YES1: variants seen among roughly 807,000 people sequenced by gnomAD.
YES1 encodes the protein tyrosine-protein kinase Yes.
Under a neutral mutation model 70.4 loss-of-function variants are expected in YES1, and 39 were observed. The observed-to-expected ratio is 0.55, with a 90% CI of 0.43 to 0.72. YES1 has a LOEUF of 0.72. Among genes scored for constraint, YES1 ranks in the 30% least tolerant of loss-of-function variants. The probability of loss-of-function intolerance (pLI) is 0.00; values close to 1 mark genes in which losing one functional copy is unlikely to be tolerated. For synonymous variants in YES1, 198 were observed against 218.6 expected (o/e 0.91, Z 0.83); for missense variants, 495 against 644.8 (o/e 0.77, Z 2.52).
At chr18:775,865 C>G (rs563005617) in intron 1 of YES1, among the ~76,000 whole-genome samples, 2 of 151,990 alleles carry the variant, frequency 1.3e-5, no homozygotes, top group Admixed American at 6.6e-5. Flanking sequence ...TTTCACTTAA[C>G]GATGCTTCTG....
At chr18:743,147 C>A in intron 7 of YES1, 50 bp from the exon 8 acceptor site, 1 of 1,544,728 alleles carries the variant, frequency 6.5e-7, no homozygotes, top group Non-Finnish European at 8.7e-7. Flanking sequence ...GATTTTAGAC[C>A]AAACTTCAGT....
At chr18:793,767 G>A (rs1015080238) in intron 1 of YES1, among the ~76,000 whole-genome samples, 5 of 152,118 alleles carry the variant, frequency 3.3e-5, no homozygotes, top group African/African-American at 1.2e-4. Flanking sequence ...TAGTTATAAA[G>A]TAGTACTCAA....
chr18:802,099 T>C (rs1357462031), intron 1 of YES1, among the ~76,000 whole-genome samples: 1 of 152,062 alleles, frequency 6.6e-6, no homozygotes, highest in Non-Finnish European at 1.5e-5. Flanking sequence ...CTACTTCCAT[T>C]AAAAAGAAAA....
chr18:767,638 T>C (rs75105448), intron 1 of YES1, among the ~76,000 whole-genome samples: 14,302 of 152,280 alleles, frequency 0.094, 866 homozygotes, highest in Admixed American at 0.21. Context: ...TCAATGACGA[T>C]AGTCGTCATT....
intron 11 of YES1, among the ~76,000 whole-genome samples, chr18:732,435 T>TA (rs11460599): frequency 0.24 from 21,873 of 89,286 alleles, 2,494 homozygotes; most frequent in Non-Finnish European, 0.26. Context: ...AGACTGTGTT[T>TA]AAAAAAAAAA....
At chr18:780,117 T>A (rs1310013114) in intron 1 of YES1, among the ~76,000 whole-genome samples, 1 of 152,118 alleles carries the variant, frequency 6.6e-6, no homozygotes, top group South Asian at 2.1e-4. Context: ...ACCTGCTACT[T>A]GGGAGGATAA....
Position 756,570 on chromosome 18 carries a change from A to G in YES1, c.258T>C (p.Pro86=). 1 of 1,614,234 alleles carries G rather than the reference A, an allele frequency of 6.2e-7. No homozygotes were observed. Among genetic ancestry groups the G allele is most frequent in the Non-Finnish European group, 8.5e-7 (1 of 1,180,046 alleles). The change falls in exon 2 of 12, where the codon CCT becomes CCC. Residue 86 remains proline, a synonymous_variant. Transcript: ENST00000314574. ...TTTAAATCTCACCTGTTAAACCAGCAGGATATGAACTTGGCACCACTGAAA... is the reference window on the plus strand; with the variant it reads ...TTTAAATCTCACCTGTTAAACCAGCGGGATATGAACTTGGCACCACTGAAA... ...SSFSVVPSSY[P]AGLTGGVTIF...
At chr18:776,837 C>T (rs1057396347) in intron 1 of YES1, among the ~76,000 whole-genome samples, 9 of 152,136 alleles carry the variant, frequency 5.9e-5, no homozygotes, top group Non-Finnish European at 1.3e-4. Flanking sequence ...GTAACACTCC[C>T]TTGGATACAC....
chr18:759,714 TC>T (rs1904481723), intron 1 of YES1, among the ~76,000 whole-genome samples: 1 of 152,162 alleles, frequency 6.6e-6, no homozygotes, highest in African/African-American at 2.4e-5. Context: ...TTTCTTTTTT[TC>T]TTTTATTATT....
At position 786,840 on chromosome 18, in the gene YES1, T is replaced by C. The variant is rs541369591; in HGVS notation, c.-9+25274A>G. ...ACTTCATTCCATTTACATTTTAATA[T>C]ATATACGGCATCTTTGAACAGAAAC... On this transcript the variant is annotated intron_variant, in intron 1 of 11. Transcript: ENST00000314574. Among the ~76,000 whole-genome samples, 4 of 152,176 alleles carry C rather than the reference T, an allele frequency of 2.6e-5. No homozygotes were observed. In the South Asian group the frequency reaches 6.2e-4, roughly 24 times the overall value.
intron 10 of YES1, 133 bp from the exon 11 acceptor site, chr18:733,098 T>C: frequency 1.4e-6 from 1 of 714,862 alleles, no homozygotes; most frequent in Non-Finnish European, 2.2e-6. Context: ...ATGTACAAGA[T>C]ACATGGGATA....
rs915453032 is a variant in YES1 at position 799,068 on chromosome 18, T to C, written c.-9+13046A>G. Reference sequence around the variant, plus strand: ...CACATTTCTTAAATGTGTTAGTCCGTTGGACTAACCAGTTTGCTTTATACC... The same window carrying C: ...CACATTTCTTAAATGTGTTAGTCCGCTGGACTAACCAGTTTGCTTTATACC... On this transcript the variant is annotated intron_variant, in intron 1 of 11. Coordinates refer to ENST00000314574, the MANE Select transcript of YES1 (RefSeq NM_005433.4). Among the ~76,000 whole-genome samples, 15 of 152,340 alleles carry C rather than the reference T, an allele frequency of 9.8e-5. No homozygotes were observed. In the South Asian group the frequency reaches 1.9e-3, roughly 19 times the overall value.
chr18:807,747 C>G lies in YES1; in HGVS notation c.-9+4367G>C, dbSNP rs146614101. ...ACTAGCAAAATTCAGGCAGCCACCA[C>G]GGATATGCAATGTATAGCTAATTCT... On this transcript the variant is annotated intron_variant, in intron 1 of 11. Transcript: ENST00000314574. 3.6e-3 allele frequency among the ~76,000 whole-genome samples: 545 copies of G among 152,242 alleles called. 4 individuals are homozygous for G. The highest frequency in any genetic ancestry group is 0.012 in the African/African-American group (516 of 41,536).
At chr18:763,902 A>G (rs562843504) in intron 1 of YES1, among the ~76,000 whole-genome samples, 1 of 152,040 alleles carries the variant, frequency 6.6e-6, no homozygotes, top group South Asian at 2.1e-4. Context: ...CGGGCAGATC[A>G]TGAGGTCAGG....
intron 1 of YES1, among the ~76,000 whole-genome samples, chr18:794,803 G>GGGTTTTT (rs1906454708): frequency 1.3e-5 from 2 of 151,906 alleles, no homozygotes; most frequent in African/African-American, 4.8e-5. Context: ...CTTCACATGT[G>GGGTTTTT]GGTTTTTGGT....
At chr18:742,780 A>G (rs2080230557) in intron 8 of YES1, 138 bp downstream of exon 8, 1 of 593,500 alleles carries the variant, frequency 1.7e-6, no homozygotes, top group Non-Finnish European at 2.6e-6. Context: ...TCCATTAAAC[A>G]AAGTGTCAGG....
At chr18:805,852 C>T (rs1359354115) in intron 1 of YES1, among the ~76,000 whole-genome samples, 1 of 152,152 alleles carries the variant, frequency 6.6e-6, no homozygotes, top group East Asian at 1.9e-4. Context: ...CCAATTTCTA[C>T]TTAATGCTAA....
chr18:797,778 C>T (rs890687791), intron 1 of YES1, among the ~76,000 whole-genome samples: 1 of 152,156 alleles, frequency 6.6e-6, no homozygotes, highest in Non-Finnish European at 1.5e-5. Flanking sequence ...ATCATCTAAT[C>T]ATTCTTCTAA....
At chr18:776,145 G>A (rs2145788147) in intron 1 of YES1, among the ~76,000 whole-genome samples, 1 of 152,176 alleles carries the variant, frequency 6.6e-6, no homozygotes, top group South Asian at 2.1e-4. Context: ...ACTCTCACCA[G>A]CAAGCATGAG....
Sources: allele counts gnomAD v4.1 joint callset (sites outside exome capture counted in the v4.1 genomes callset), GRCh38; gene constraint gnomAD v4.1.1; transcripts MANE v1.5; gene names NCBI Gene and HGNC (gene_info 2026-07-23, HGNC 2026-07-21).